Variants in CEP70 observed in about 807,000 individuals in gnomAD.
The protein encoded by CEP70 is centrosomal protein 70, also known as centrosomal protein of 70 kDa.
CEP70 carries 70 observed loss-of-function variants against 90.9 expected under a neutral mutation model. That is an observed-to-expected ratio of 0.77 (90% CI 0.64 to 0.94). The LOEUF (loss-of-function observed/expected upper bound fraction) is 0.94, where lower values mean the gene tolerates loss of function less well. CEP70 is among the 40% of genes least tolerant of loss of function. The pLI, the probability that CEP70 is intolerant of heterozygous loss-of-function variation, is 0.00. For missense variants in CEP70, 648 were observed against 669.0 expected, an observed-to-expected ratio of 0.97 and a Z score of 0.35; for synonymous variants, 220 against 228.3, an observed-to-expected ratio of 0.96 and a Z score of 0.33.
At chr3:138,559,181 A>G (rs1182358062) in intron 6 of CEP70, among the ~76,000 whole-genome samples, 1 of 152,212 alleles carries the variant, frequency 6.6e-6, no homozygotes, top group Admixed American at 6.5e-5. Context: ...TCCAGAATAA[A>G]GTATCAAAAG....
intron 6 of CEP70, among the ~76,000 whole-genome samples, chr3:138,562,894 A>G (rs915404112): frequency 2.0e-5 from 3 of 152,192 alleles, no homozygotes; most frequent in African/African-American, 7.2e-5. Flanking sequence ...GCCCCACTTA[A>G]AAGACACAGA....
At chr3:138,522,958 C>T (rs192261014) in intron 11 of CEP70, among the ~76,000 whole-genome samples, 14 of 152,170 alleles carry the variant, frequency 9.2e-5, no homozygotes, top group South Asian at 2.1e-4. Context: ...TGATGAACAT[C>T]GATGCAAAAA....
In CEP70 at chr3:138,532,556, A is replaced by G; in HGVS notation, c.650T>C (p.Ile217Thr). The G allele has an allele frequency of 6.6e-7, 1 of 1,507,726 alleles. No homozygotes were observed. The highest frequency in any genetic ancestry group is 8.9e-7 in the Non-Finnish European group (1 of 1,126,608). 93.4% of individuals were successfully genotyped at this position (1,507,726 alleles called of 1,614,324 possible). A position where few individuals can be genotyped will look rare whatever the true frequency, so the allele number is the denominator to read the frequency against. The part of the protein sequence containing the change: ...TVLDRQLLCL[I>T]DYYESKIRKI... ...TCTAATTTTAGATTCATAGTAATCA[A>G]TTAGACAAAGCAACCTAGAAAACAG... The change falls in exon 8 of 18, where the codon ATT (isoleucine) becomes ACT (threonine). Residue 217 changes from isoleucine (I) to threonine (T), a missense_variant. Physicochemically the swap from Ile to Thr is moderately conservative, Grantham distance 89. Transcript: ENST00000264982.
intron 11 of CEP70, among the ~76,000 whole-genome samples, chr3:138,524,384 T>A (rs1418988032): frequency 2.6e-5 from 4 of 152,014 alleles, no homozygotes; most frequent in Non-Finnish European, 4.4e-5. Flanking sequence ...TGGGATCTAA[T>A]TAAACTAAAG....
chr3:138,527,222 G>A (rs939238207), intron 10 of CEP70, among the ~76,000 whole-genome samples: 1 of 151,852 alleles, frequency 6.6e-6, no homozygotes, highest in Non-Finnish European at 1.5e-5. Flanking sequence ...TTGGAGTGTG[G>A]TGGTGTGATC....
At chr3:138,544,521 A>ATGTG (rs1174536408) in intron 6 of CEP70, among the ~76,000 whole-genome samples, 1 of 150,656 alleles carries the variant, frequency 6.6e-6, no homozygotes. Context: ...GTATGTATGT[A>ATGTG]TGTATGTATG....
intron 6 of CEP70, among the ~76,000 whole-genome samples, chr3:138,544,941 T>C (rs531708037): frequency 1.1e-4 from 17 of 152,236 alleles, no homozygotes; most frequent in African/African-American, 4.1e-4. Flanking sequence ...GAGAGGTTGA[T>C]TAATGGGTAC....
At chr3:138,541,206 C>A (rs1162655752) in intron 6 of CEP70, among the ~76,000 whole-genome samples, 1 of 152,076 alleles carries the variant, frequency 6.6e-6, no homozygotes. Context: ...CGTAACAAAC[C>A]TTCACATTTA....
At chr3:138,503,206 C>T (rs1026117004) in intron 13 of CEP70, among the ~76,000 whole-genome samples, 1 of 152,130 alleles carries the variant, frequency 6.6e-6, no homozygotes, top group Non-Finnish European at 1.5e-5. Context: ...TCCCTCTAGC[C>T]ATCACCACTC....
intron 11 of CEP70, among the ~76,000 whole-genome samples, chr3:138,509,793 TC>T (rs2035349118): frequency 6.6e-6 from 1 of 152,204 alleles, no homozygotes; most frequent in Admixed American, 6.5e-5. Context: ...GTCCAGCTTA[TC>T]CATGCTGTAA....
chr3:138,588,566 G>T (rs1401832145), intron 2 of CEP70, among the ~76,000 whole-genome samples: 3 of 152,208 alleles, frequency 2.0e-5, no homozygotes, highest in Non-Finnish European at 4.4e-5. Flanking sequence ...TATTAGAATG[G>T]CTAAGAATGA....
In CEP70 at chr3:138,576,711, T is replaced by A. The variant is rs149610397; in HGVS notation, c.-5-3779A>T. Among the ~76,000 whole-genome samples, 301 of 152,302 alleles carry A rather than the reference T, an allele frequency of 2.0e-3. 3 individuals carry two copies. Among genetic ancestry groups the A allele is most frequent in the African/African-American group, 7.0e-3 (290 of 41,560 alleles). On this transcript the variant is annotated intron_variant, in intron 2 of 17. Transcript: ENST00000264982. ...GACCACTTAGTTGGAAGTAAAGCAC[T>A]CCTCAGCAAATGTAAAACAACAGAA...
chr3:138,573,001 A>C, intron 2 of CEP70, 69 bp from the exon 3 acceptor site: 1 of 1,043,650 alleles, frequency 9.6e-7, no homozygotes, highest in Non-Finnish European at 1.5e-6. Context: ...GAAAAAAGAC[A>C]AAAAGTGCAA....
chr3:138,510,249 A>AC (rs1180570817), intron 11 of CEP70, among the ~76,000 whole-genome samples: 1 of 141,468 alleles, frequency 7.1e-6, no homozygotes, highest in Non-Finnish European at 1.6e-5. Context: ...CTCCCTGTCT[A>AC]CTAAAAAAAA....
chr3:138,533,212 C>T lies in CEP70; in HGVS notation c.636-642G>A, dbSNP rs900128756. Among the ~76,000 whole-genome samples, 10 of 151,178 alleles carry T rather than the reference C, an allele frequency of 6.6e-5. No individual in the cohort carries two copies. The South Asian group carries it at 1.0e-3, about 16-fold the overall frequency. ...AGGAGAATCACTTGAACCCGGGAGG[C>T]GGAGCTTGCAGTGAGTCAAGAGCGC... On this transcript the variant is annotated intron_variant, in intron 7 of 17. Transcript: ENST00000264982.
intron 11 of CEP70, among the ~76,000 whole-genome samples, chr3:138,521,243 T>G (rs953859480): frequency 5.3e-5 from 8 of 152,134 alleles, no homozygotes; most frequent in Non-Finnish European, 1.2e-4. Flanking sequence ...ATCTAGGAAG[T>G]GAGGAGCGTC....
chr3:138,527,835 T>C (rs1471273856), intron 10 of CEP70, among the ~76,000 whole-genome samples: 1 of 152,024 alleles, frequency 6.6e-6, no homozygotes, highest in Non-Finnish European at 1.5e-5. Flanking sequence ...ATTATAGGTA[T>C]GAGCCACTGC....
In CEP70 at chr3:138,575,264, G is replaced by T. The variant is rs150638793; in HGVS notation, c.-5-2332C>A. Among the ~76,000 whole-genome samples, 728 of 152,252 alleles carry T rather than the reference G, an allele frequency of 4.8e-3. 4 individuals are homozygous for T. The highest frequency in any genetic ancestry group is 0.017 in the African/African-American group (700 of 41,550). Reference sequence around the variant, plus strand: ...AGTGTAAAGAAGACCTTAAATGACCGGATGGAGCTGAAAACCATGGCACGA... The same window carrying T: ...AGTGTAAAGAAGACCTTAAATGACCTGATGGAGCTGAAAACCATGGCACGA... On this transcript the variant is annotated intron_variant, in intron 2 of 17. Transcript: ENST00000264982.
chr3:138,593,590 AC>A (rs1393279201), intron 1 of CEP70: 1 of 152,244 alleles, frequency 6.6e-6, no homozygotes, highest in Non-Finnish European at 1.5e-5. Flanking sequence ...TCTCTCTGTT[AC>A]AGGTGACTTA....
Sources: allele counts gnomAD v4.1 joint callset (sites outside exome capture counted in the v4.1 genomes callset), GRCh38; gene constraint gnomAD v4.1.1; transcripts MANE v1.5; gene names NCBI Gene and HGNC (gene_info 2026-07-23, HGNC 2026-07-21).